The following ADK variants were observed in gnomAD, a reference collection of about 807,000 sequenced individuals.
The protein encoded by ADK is N6,N6-dimethyladenosine kinase.
Under a neutral mutation model 44.7 loss-of-function variants are expected in ADK, and 24 were observed. The ratio of observed to expected loss-of-function variants is 0.54; its 90% CI spans 0.39 to 0.76. ADK has a LOEUF of 0.76. Among genes scored for constraint, ADK ranks in the 30% least tolerant of loss-of-function variants. The pLI, the probability that ADK is intolerant of heterozygous loss-of-function variation, is 0.00. For synonymous variants in ADK, 128 were observed against 142.6 expected, an observed-to-expected ratio of 0.90 and a Z score of 0.73; for missense variants, 321 against 425.1, an observed-to-expected ratio of 0.76 and a Z score of 2.15.
At chr10:74,192,142 G>A (rs1564583256) in intron 1 of ADK, among the ~76,000 whole-genome samples, 1 of 152,006 alleles carries the variant, frequency 6.6e-6, no homozygotes, top group Admixed American at 6.5e-5. Flanking sequence ...TCTTTTATGG[G>A]TGTACCATAG....
chr10:74,235,374 G>T (rs978261811), intron 3 of ADK, among the ~76,000 whole-genome samples: 6 of 151,902 alleles, frequency 3.9e-5, no homozygotes, highest in African/African-American at 1.2e-4. Flanking sequence ...TCACTCTGTC[G>T]CCTAGACTGG....
chr10:74,403,576 C>T (rs998451133), intron 6 of ADK, among the ~76,000 whole-genome samples: 8 of 152,116 alleles, frequency 5.3e-5, no homozygotes, highest in Non-Finnish European at 1.0e-4. Context: ...CCTGGTGTGC[C>T]GTTTGCTAAG....
At chr10:74,641,981 A>G (rs1404851963) in intron 9 of ADK, among the ~76,000 whole-genome samples, 1 of 152,196 alleles carries the variant, frequency 6.6e-6, no homozygotes, top group Non-Finnish European at 1.5e-5. Context: ...AATCAAAACT[A>G]CTTCACAGTA....
chr10:74,504,742 G>C (rs939489594), intron 6 of ADK, among the ~76,000 whole-genome samples: 1 of 152,048 alleles, frequency 6.6e-6, no homozygotes, highest in African/African-American at 2.4e-5. Flanking sequence ...GTGATAGTGA[G>C]TTCTCGTGGA....
Position 74,277,250 on chromosome 10 carries a change from TC to T in ADK, c.195-37416del, listed in dbSNP as rs577382256. Among the ~76,000 whole-genome samples the T allele has an allele frequency of 3.2e-3, 489 of 152,242 alleles. 1 individual carries two copies. Among genetic ancestry groups the T allele is most frequent in the Non-Finnish European group, 5.0e-3 (340 of 67,990 alleles). On this transcript the variant is annotated intron_variant, in intron 3 of 10. Transcript: ENST00000539909. ...ATCTTAATAAGAATACTTAGCTCAT[TC>T]ATTTACAGCCTTTTTTCATTTCTAA...
At chr10:74,482,298 C>T (rs924050747) in intron 6 of ADK, among the ~76,000 whole-genome samples, 7 of 152,002 alleles carry the variant, frequency 4.6e-5, no homozygotes, top group African/African-American at 7.2e-5. Flanking sequence ...AAGGGGGAGA[C>T]GCTACACACT....
intron 7 of ADK, among the ~76,000 whole-genome samples, chr10:74,587,395 G>A (rs185991089): frequency 6.6e-6 from 1 of 152,202 alleles, no homozygotes; most frequent in Non-Finnish European, 1.5e-5. Context: ...AGCGTAAGGA[G>A]TTGTACTTTC....
intron 6 of ADK, among the ~76,000 whole-genome samples, chr10:74,470,735 G>A (rs1846553088): frequency 6.6e-6 from 1 of 151,770 alleles, no homozygotes; most frequent in Non-Finnish European, 1.5e-5. Context: ...CACTTCATAA[G>A]TTGCCTTTTT....
intron 6 of ADK, among the ~76,000 whole-genome samples, chr10:74,422,534 G>A (rs549224482): frequency 6.6e-6 from 1 of 152,288 alleles, no homozygotes; most frequent in Non-Finnish European, 1.5e-5. Context: ...AATGTAAGAT[G>A]CTAAGATAGT....
chr10:74,491,203 T>G (rs1434408719), intron 6 of ADK, among the ~76,000 whole-genome samples: 2 of 152,124 alleles, frequency 1.3e-5, no homozygotes, highest in Non-Finnish European at 2.9e-5. Context: ...TGGAAGATAC[T>G]CAGTGAGTGT....
At chr10:74,485,093 G>C (rs974758996) in intron 6 of ADK, among the ~76,000 whole-genome samples, 2 of 151,570 alleles carry the variant, frequency 1.3e-5, no homozygotes, top group Admixed American at 6.6e-5. Flanking sequence ...AAGATTAAAA[G>C]GCAAGCCACT....
chr10:74,273,542 C>G (rs1230037641), intron 3 of ADK, among the ~76,000 whole-genome samples: 1 of 152,086 alleles, frequency 6.6e-6, no homozygotes, highest in Non-Finnish European at 1.5e-5. Flanking sequence ...ACTGCAACCT[C>G]TGCCTCCCAA....
chr10:74,488,374 C>T (rs985461069), intron 6 of ADK, among the ~76,000 whole-genome samples: 32 of 140,770 alleles, frequency 2.3e-4, no homozygotes, highest in African/African-American at 7.6e-4. Flanking sequence ...GGAAAAAAGA[C>T]GTGTGTGTGT....
intron 3 of ADK, among the ~76,000 whole-genome samples, chr10:74,305,964 G>A (rs932439143): frequency 6.6e-6 from 1 of 151,982 alleles, no homozygotes; most frequent in African/African-American, 2.4e-5. Flanking sequence ...GGTTCAAGCA[G>A]TCCTCCTGCT....
intron 3 of ADK, among the ~76,000 whole-genome samples, chr10:74,282,119 G>A (rs1025541627): frequency 1.3e-5 from 2 of 152,222 alleles, no homozygotes; most frequent in African/African-American, 4.8e-5. Flanking sequence ...AAAGGTGACA[G>A]TTTAAAAGAT....
intron 10 of ADK, among the ~76,000 whole-genome samples, chr10:74,691,498 A>G (rs991287128): frequency 5.9e-5 from 9 of 152,222 alleles, no homozygotes; most frequent in African/African-American, 2.2e-4. Flanking sequence ...TAAGTGAGTG[A>G]GCAAGGGTGG....
In ADK at chr10:74,402,313, T is replaced by G. The variant is rs184809054; in HGVS notation, c.555+3734T>G. ...CCTTGCTAGGTTGGGGACATTCTCC[T>G]GAATAATATCCTGCAGAGTGTTTTC... On this transcript the variant is annotated intron_variant, in intron 6 of 10. Coordinates refer to ENST00000539909, the MANE Select transcript of ADK (RefSeq NM_006721.4). Among the ~76,000 whole-genome samples, 811 of 152,344 alleles carry G rather than the reference T, an allele frequency of 5.3e-3. 6 individuals carry two copies. The highest frequency in any genetic ancestry group is 0.018 in the African/African-American group (754 of 41,574).
chr10:74,278,817 T>C (rs909379344), intron 3 of ADK, among the ~76,000 whole-genome samples: 3 of 152,214 alleles, frequency 2.0e-5, no homozygotes, highest in Admixed American at 2.0e-4. Flanking sequence ...GGACTACAGA[T>C]GTTAGCCATC....
intron 3 of ADK, among the ~76,000 whole-genome samples, chr10:74,258,974 C>T (rs1269375188): frequency 4.5e-5 from 5 of 111,412 alleles, no homozygotes; most frequent in African/African-American, 6.9e-5. Context: ...TTTTTTGAGA[C>T]GGAGTCTCCC....
Sources: gnomAD v4.1 joint callset for allele counts (sites outside exome capture counted in the v4.1 genomes callset) on GRCh38, gnomAD v4.1.1 for gene constraint, MANE v1.5 for transcripts, NCBI Gene and HGNC (gene_info 2026-07-23, HGNC 2026-07-21) for gene names.